The following FAM83F variants were observed in gnomAD, a reference collection of about 807,000 sequenced individuals.
The protein encoded by FAM83F is protein FAM83F.
A neutral mutation model predicts 42.9 loss-of-function variants in FAM83F; 45 were observed. The ratio of observed to expected loss-of-function variants is 1.05; its 90% confidence interval spans 0.83 to 1.35. The LOEUF (loss-of-function observed/expected upper bound fraction) is 1.35, where lower values mean the gene tolerates loss of function less well. Among genes scored for constraint, FAM83F ranks in the 40% most tolerant of loss-of-function variants. FAM83F has a pLI of 0.00. For synonymous variants in FAM83F, 306 were observed against 298.3 expected (o/e 1.03, Z -0.27); for missense variants, 617 against 695.9 (o/e 0.89, Z 1.28).
Position 40,042,380 on chromosome 22 carries a change from C to T in FAM83F, c.*12815C>T, listed in dbSNP as rs1197202124. On this transcript the variant is annotated 3_prime_UTR_variant, in exon 5 of 5. Coordinates refer to ENST00000333407, the MANE Select transcript of FAM83F (RefSeq NM_138435.4). ...CTGGATATTCCCATTCTGCTCCCTG[C>T]CACCAGAGAGCAAATGTCGTAGGTC... 6.6e-6 allele frequency: 1 copy of T among 152,112 alleles called. No homozygotes were observed. The highest frequency in any genetic ancestry group is 2.4e-5 in the African/African-American group (1 of 41,374). 9.4% of individuals were successfully genotyped at this position (152,112 alleles called of 1,614,324 possible). A position where few individuals can be genotyped will look rare whatever the true frequency, so the allele number is the denominator to read the frequency against.
intron 4 of FAM83F, among the ~76,000 whole-genome samples, chr22:40,027,757 G>A (rs1004152925): frequency 6.6e-6 from 1 of 152,354 alleles, no homozygotes; most frequent in East Asian, 1.9e-4. Context: ...TGGGGAGCAT[G>A]GTGCTGGTGA....
chr22:40,003,017 C>T (rs1259607430), intron 1 of FAM83F, among the ~76,000 whole-genome samples: 2 of 152,152 alleles, frequency 1.3e-5, no homozygotes, highest in African/African-American at 4.8e-5. Flanking sequence ...GGCAGTTGCC[C>T]TTGGGAATTG....
chr22:39,997,595 G>C (rs2145705456), intron 1 of FAM83F, among the ~76,000 whole-genome samples: 1 of 152,286 alleles, frequency 6.6e-6, no homozygotes, highest in East Asian at 1.9e-4. Flanking sequence ...TGCCTAATCT[G>C]GGAAGGCTTC....
Position 39,995,450 on chromosome 22 carries a change from G to A in FAM83F, c.408G>A (p.Thr136=), listed in dbSNP as rs903768311. The A allele has an allele frequency of 3.2e-6, 5 of 1,564,358 alleles. No homozygotes were observed. Among genetic ancestry groups the A allele is most frequent in the Non-Finnish European group, 4.3e-6 (5 of 1,154,324 alleles). ...TCTACCGCGGCGTGAGCCGGGTCAC[G>A]CTCTTCACCCACCCGCCCAAGGACG... ...TGFYRGVSRV[T]LFTHPPKDEK... Residue 136 remains threonine, a synonymous_variant, in exon 1 of 5, where the codon ACG becomes ACA. Coordinates refer to ENST00000333407, the MANE Select transcript of FAM83F (RefSeq NM_138435.4). The surrounding 1 kb of genome is among the most constrained non-coding windows in gnomAD (Gnocchi z 4.6).
At chr22:40,008,540 ACTTTCTG>A (rs2067447832) in intron 1 of FAM83F, among the ~76,000 whole-genome samples, 1 of 152,218 alleles carries the variant, frequency 6.6e-6, no homozygotes. Context: ...AACCAGTGTG[ACTTTCTG>A]CTTCCAGACC....
At position 40,021,517 on chromosome 22, in the gene FAM83F, C is replaced by T. The variant is rs753758914; in HGVS notation, c.1007C>T (p.Pro336Leu). The change falls in exon 4 of 5, where the codon CCG becomes CTG. Residue 336 changes from proline (P) to leucine (L), a missense_variant. Physicochemically the swap from Pro to Leu is moderately conservative, Grantham distance 98 (BLOSUM62 -3). Transcript: ENST00000333407. This position sits in a 1 kb window ranked among gnomAD's most constrained non-coding sequence, Gnocchi z 8.7. Reference sequence around the variant, plus strand: ...GCCTTGGTGTCAGGCTGCCGCCACCCGCCTGGGGAGATGATGCGCTGGGCT... The same window carrying T: ...GCCTTGGTGTCAGGCTGCCGCCACCTGCCTGGGGAGATGATGCGCTGGGCT... The part of the protein sequence containing the change: ...KYALVSGCRH[P>L]PGEMMRWAAR... 25 of 1,576,028 alleles carry T rather than the reference C, an allele frequency of 1.6e-5. No individual in the cohort carries two copies. The highest frequency in any genetic ancestry group is 2.2e-5 in the Non-Finnish European group (25 of 1,155,566).
In FAM83F at chr22:40,042,976, C is replaced by G. The variant is rs1375811882; in HGVS notation, c.*13411C>G. 1 of 152,190 alleles carries G rather than the reference C, an allele frequency of 6.6e-6. No homozygotes were observed. The highest frequency in any genetic ancestry group is 2.4e-5 in the African/African-American group (1 of 41,438). The allele number at this position is 152,190 out of a possible 1,614,324, so 9.4% of individuals were successfully genotyped here. A position where few individuals can be genotyped will look rare whatever the true frequency, so the allele number is the denominator to read the frequency against. ...GTATGTGCATACAATTTTAAGGACT[C>G]ACGTTCTTACAACCTATATTAGAAT... On this transcript the variant is annotated 3_prime_UTR_variant, in exon 5 of 5. Transcript: ENST00000333407.
chr22:40,006,571 G>A (rs760757174), intron 1 of FAM83F, among the ~76,000 whole-genome samples: 8 of 152,358 alleles, frequency 5.3e-5, no homozygotes, highest in Non-Finnish European at 8.8e-5. Context: ...ATCACTACAG[G>A]CTTAGAGAGT....
intron 1 of FAM83F, among the ~76,000 whole-genome samples, chr22:40,014,991 C>CT (rs545771173): frequency 5.1e-4 from 77 of 152,280 alleles, no homozygotes; most frequent in African/African-American, 1.8e-3. Context: ...CTAGAGTGCA[C>CT]TGAAAGTATT....
chr22:40,029,498 T>TGTCCCTTGCCTCTGCAGGTAAAACAA lies in FAM83F; in HGVS notation c.1454-12_1467dup. ...TTTCACTTACATCCTTCCCCGCCTC[T>TGTCCCTTGCCTCTGCAGGTAAAACAA]GTCCCTTGCCTCTGCAGGTAAAACA... is the stretch of plus-strand genomic sequence containing the variant. On this transcript the variant is annotated splice_polypyrimidine_tract_variant and intron_variant, in intron 4 of 4. Coordinates refer to ENST00000333407, the MANE Select transcript of FAM83F (RefSeq NM_138435.4). The TGTCCCTTGCCTCTGCAGGTAAAACAA allele has an allele frequency of 6.2e-7, 1 of 1,609,268 alleles. No individual in the cohort carries two copies. The highest frequency in any genetic ancestry group is 8.5e-7 in the Non-Finnish European group (1 of 1,177,774).
At chr22:40,000,688 C>T (rs2067396385) in intron 1 of FAM83F, among the ~76,000 whole-genome samples, 1 of 152,174 alleles carries the variant, frequency 6.6e-6, no homozygotes, top group African/African-American at 2.4e-5. Flanking sequence ...GCAATACATT[C>T]ATTAGTCACC....
chr22:40,004,508 G>A (rs1005918379), intron 1 of FAM83F, among the ~76,000 whole-genome samples: 2 of 152,040 alleles, frequency 1.3e-5, no homozygotes, highest in Admixed American at 6.6e-5. Context: ...TCACCATGTT[G>A]CCCAGGCTGG....
rs191593383 is a variant in FAM83F, at chr22:40,029,765, A to C, written c.*200A>C. ...CATCTCAGTCACACGCCTCCACCGG[A>C]CTGTCGGTGGCTGGGCAGGGGTCAG... On this transcript the variant is annotated 3_prime_UTR_variant, in exon 5 of 5. Coordinates refer to ENST00000333407, the MANE Select transcript of FAM83F (RefSeq NM_138435.4). 1,965 of 718,414 alleles carry C rather than the reference A, an allele frequency of 2.7e-3. 46 individuals carry two copies. In the East Asian group the frequency reaches 0.046, roughly 17 times the overall value. The allele number at this position is 718,414 out of a possible 1,614,324, so 44.5% of individuals were successfully genotyped here.
chr22:39,997,714 G>A (rs990749401), intron 1 of FAM83F, among the ~76,000 whole-genome samples: 1 of 152,176 alleles, frequency 6.6e-6, no homozygotes, highest in Non-Finnish European at 1.5e-5. Context: ...TTGATTGGCA[G>A]GTAAAAAGAG....
intron 1 of FAM83F, among the ~76,000 whole-genome samples, chr22:40,000,610 A>AG (rs1409657295): frequency 2.0e-5 from 3 of 151,856 alleles, no homozygotes; most frequent in Non-Finnish European, 4.4e-5. Context: ...CAGATGCCCA[A>AG]AAAAACCCTA....
chr22:40,001,734 G>T (rs975519997), intron 1 of FAM83F, among the ~76,000 whole-genome samples: 1 of 152,174 alleles, frequency 6.6e-6, no homozygotes, highest in Non-Finnish European at 1.5e-5. Context: ...GAGGATACTG[G>T]AAAGTATCAT....
At chr22:40,004,568 G>A (rs988405736) in intron 1 of FAM83F, among the ~76,000 whole-genome samples, 6 of 152,106 alleles carry the variant, frequency 3.9e-5, no homozygotes, top group Admixed American at 3.9e-4. Context: ...CTCCCAAAGT[G>A]CTGGGATTAC....
intron 1 of FAM83F, among the ~76,000 whole-genome samples, chr22:40,017,074 C>T (rs2067496107): frequency 6.6e-6 from 1 of 152,034 alleles, no homozygotes; most frequent in Non-Finnish European, 1.5e-5. Flanking sequence ...AATGTAAGAG[C>T]TATGAAGAAC....
chr22:40,020,357 A>ATTTTTT (rs552816341), intron 3 of FAM83F, among the ~76,000 whole-genome samples: 6 of 116,404 alleles, frequency 5.2e-5, no homozygotes, highest in African/African-American at 1.3e-4. Flanking sequence ...TGTCGCCAGA[A>ATTTTTT]TTTTTTTTTT....
Sources: gnomAD v4.1 joint callset for allele counts (sites outside exome capture counted in the v4.1 genomes callset) on GRCh38, gnomAD v4.1.1 for gene constraint, Gnocchi (gnomAD v3.1) non-coding constraint, MANE v1.5 for transcripts, NCBI Gene and HGNC (gene_info 2026-07-23, HGNC 2026-07-21) for gene names.